Variants in COPS3 observed in about 807,000 individuals in gnomAD.
COPS3 encodes the protein COP9 signalosome subunit 3.
A neutral mutation model predicts 58.2 loss-of-function variants in COPS3; 10 were observed. The observed-to-expected ratio is 0.17, with a 90% confidence interval of 0.11 to 0.29. The LOEUF (loss-of-function observed/expected upper bound fraction) is 0.29, where lower values mean the gene tolerates loss of function less well. COPS3 is among the 10% of genes least tolerant of loss of function. The pLI, the probability that COPS3 is intolerant of heterozygous loss-of-function variation, is 1.00. For missense variants in COPS3, 333 were observed against 510.1 expected (o/e 0.65, Z 3.34); for synonymous variants, 187 against 181.7 (o/e 1.03, Z -0.24).
chr17:17,265,269 T>A (rs1331682918), intron 5 of COPS3, among the ~76,000 whole-genome samples: 2 of 152,208 alleles, frequency 1.3e-5, no homozygotes, highest in Non-Finnish European at 2.9e-5. Context: ...GAGTGCCAAG[T>A]TGGCATTCTA....
At chr17:17,271,881 T>TAATAATATATATTA (rs142156518) in intron 2 of COPS3, among the ~76,000 whole-genome samples, 48,585 of 123,914 alleles carry the variant, frequency 0.39, 10,130 homozygotes, top group East Asian at 0.84. Flanking sequence ...CACATATGTT[T>TAATAATATATATTA]AATAATATAT....
chr17:17,276,792 G>T (rs535522504), intron 1 of COPS3, among the ~76,000 whole-genome samples: 1 of 151,968 alleles, frequency 6.6e-6, no homozygotes, highest in South Asian at 2.1e-4. Flanking sequence ...GGCTGGTCTT[G>T]AACTCCTGAC....
At chr17:17,271,635 CATGG>C (rs2048344334) in intron 2 of COPS3, among the ~76,000 whole-genome samples, 1 of 150,036 alleles carries the variant, frequency 6.7e-6, no homozygotes, top group Admixed American at 6.7e-5. Flanking sequence ...GCCTGATCAA[CATGG>C]AAAAACCTCG....
chr17:17,251,095 T>C (rs944717413), intron 9 of COPS3, among the ~76,000 whole-genome samples: 3 of 151,394 alleles, frequency 2.0e-5, no homozygotes, highest in African/African-American at 4.9e-5. Context: ...CCCAGGTTCA[T>C]GCCATTCTCC....
chr17:17,251,023 C>G (rs1470434171), intron 9 of COPS3, among the ~76,000 whole-genome samples: 1 of 152,192 alleles, frequency 6.6e-6, no homozygotes, highest in East Asian at 1.9e-4. Flanking sequence ...AGACAAGAGT[C>G]TTGCACTGTT....
At chr17:17,253,986 G>A (rs966775165) in intron 9 of COPS3, among the ~76,000 whole-genome samples, 4 of 147,106 alleles carry the variant, frequency 2.7e-5, no homozygotes, top group African/African-American at 7.6e-5. Flanking sequence ...GCGAGAGTCC[G>A]CCTCAAAATA....
rs137898777 is a variant in COPS3 at position 17,249,094 on chromosome 17, T to G, written c.1024-55A>C. On this transcript the variant is annotated intron_variant, in intron 9 of 11. Transcript: ENST00000268717. Reference sequence around the variant, plus strand: ...AAGCAGTTTAGACCTGAATGCTATATGAATAGTCATCCAGTATAATCACAG... The same window carrying G: ...AAGCAGTTTAGACCTGAATGCTATAGGAATAGTCATCCAGTATAATCACAG... The G allele has an allele frequency of 8.7e-4, 786 of 906,104 alleles. 2 individuals carry two copies. Among genetic ancestry groups the G allele is most frequent in the Non-Finnish European group, 8.6e-4 (491 of 569,228 alleles). 56.1% of individuals were successfully genotyped at this position (906,104 alleles called of 1,614,324 possible).
chr17:17,278,268 A>G (rs553446939), intron 1 of COPS3, among the ~76,000 whole-genome samples: 6 of 152,240 alleles, frequency 3.9e-5, no homozygotes, highest in Non-Finnish European at 8.8e-5. Context: ...CAGTGAGGAT[A>G]TATTTAAGTC....
intron 8 of COPS3, among the ~76,000 whole-genome samples, chr17:17,256,569 T>C (rs1269029632): frequency 6.6e-6 from 1 of 152,166 alleles, no homozygotes; most frequent in Non-Finnish European, 1.5e-5. Flanking sequence ...AATGGCATTT[T>C]CAGAGCTGGG....
intron 6 of COPS3, 127 bp from the exon 7 acceptor site, chr17:17,262,233 C>G (rs898331265): frequency 1.2e-5 from 10 of 849,032 alleles, no homozygotes; most frequent in Middle Eastern, 2.4e-4. Context: ...TTTATAACAG[C>G]CTTATTGAGA....
rs750097579 is a variant in COPS3, at chr17:17,281,222, A to C, written c.-36T>G. On this transcript the variant is annotated 5_prime_UTR_variant, in exon 1 of 12. Transcript: ENST00000268717. ...GGGCGGCCCGAGCGGCGAAGGCAGC[A>C]CGCGCGGGAAAAGGCTGCCGCTCTG... 6.3e-7 allele frequency: 1 copy of C among 1,595,562 alleles called. No homozygotes were observed. Among genetic ancestry groups the C allele is most frequent in the Admixed American group, 1.7e-5 (1 of 57,388 alleles).
intron 1 of COPS3, among the ~76,000 whole-genome samples, chr17:17,277,778 G>A (rs555839580): frequency 1.9e-4 from 29 of 152,222 alleles, no homozygotes; most frequent in African/African-American, 5.3e-4. Context: ...GGCCTCAGCC[G>A]GGTGCTGTGG....
chr17:17,261,822 C>T (rs1736210), intron 7 of COPS3, 144 bp downstream of exon 7: 1 of 650,024 alleles, frequency 1.5e-6, no homozygotes, highest in Non-Finnish European at 2.6e-6. Flanking sequence ...GAATGTGTAG[C>T]AGACATTCAA....
At chr17:17,277,470 T>C (rs1162559801) in intron 1 of COPS3, among the ~76,000 whole-genome samples, 1 of 152,234 alleles carries the variant, frequency 6.6e-6, no homozygotes, top group African/African-American at 2.4e-5. Context: ...CAGGCTGCAG[T>C]GCAGTGGTGT....
chr17:17,256,565 A>AT (rs2047979843), intron 8 of COPS3, among the ~76,000 whole-genome samples: 1 of 151,944 alleles, frequency 6.6e-6, no homozygotes, highest in Non-Finnish European at 1.5e-5. Context: ...CAACAATGGC[A>AT]TTTTCAGAGC....
chr17:17,276,295 G>A, intron 1 of COPS3, 131 bp from the exon 2 acceptor site: 1 of 1,220,512 alleles, frequency 8.2e-7, no homozygotes, highest in Non-Finnish European at 1.1e-6. Flanking sequence ...CACTTCGGAT[G>A]AGGATCCAGA....
intron 1 of COPS3, among the ~76,000 whole-genome samples, chr17:17,279,122 C>A (rs547227900): frequency 6.6e-6 from 1 of 152,264 alleles, no homozygotes; most frequent in Admixed American, 6.5e-5. Context: ...GATCCGCCCG[C>A]CTCGGCCTCC....
At chr17:17,254,543 G>A (rs1308020992) in intron 9 of COPS3, among the ~76,000 whole-genome samples, 1 of 152,154 alleles carries the variant, frequency 6.6e-6, no homozygotes, top group Non-Finnish European at 1.5e-5. Flanking sequence ...CAGGCACGGT[G>A]GCTCATGCCT....
chr17:17,270,624 G>T, intron 4 of COPS3, 134 bp downstream of exon 4: 1 of 783,718 alleles, frequency 1.3e-6, no homozygotes, highest in Non-Finnish European at 2.0e-6. Context: ...CAATGGCTGT[G>T]AGTGCTCTCA....
Sources: gnomAD v4.1 joint callset for allele counts (sites outside exome capture counted in the v4.1 genomes callset) on GRCh38, gnomAD v4.1.1 for gene constraint, MANE v1.5 for transcripts, NCBI Gene and HGNC (gene_info 2026-07-23, HGNC 2026-07-21) for gene names.